The following PLEKHN1 variants were observed in gnomAD, a reference collection of about 807,000 sequenced individuals.
PLEKHN1 encodes pleckstrin homology domain containing N1.
PLEKHN1 carries 68 observed loss-of-function variants against 72.8 expected under a neutral mutation model. The observed-to-expected ratio is 0.93, with a 90% CI of 0.77 to 1.14. PLEKHN1 has a LOEUF of 1.14. Among genes scored for constraint, PLEKHN1 ranks in the 50% most tolerant of loss-of-function variants. The probability of loss-of-function intolerance (pLI) is 0.00; values close to 1 mark genes in which losing one functional copy is unlikely to be tolerated. For missense variants in PLEKHN1, 1,015 were observed against 840.5 expected, an observed-to-expected ratio of 1.21 and a Z score of -2.57; for synonymous variants, 454 against 371.6, an observed-to-expected ratio of 1.22 and a Z score of -2.55.
In PLEKHN1 at chr1:975,860, C is replaced by A; in HGVS notation, c.*1285C>A. The A allele has an allele frequency of 2.8e-6, 1 of 360,366 alleles. No individual in the cohort carries two copies. The allele number at this position is 360,366 out of a possible 1,614,324, so 22.3% of individuals were successfully genotyped here. A position where few individuals can be genotyped will look rare whatever the true frequency, so the allele number is the denominator to read the frequency against. ...ACAACTTCTTAGTAAAATGACCTCC[C>A]CACTATTGCCTGTCTGAAATTAACC... On this transcript the variant is annotated 3_prime_UTR_variant, in exon 16 of 16. Transcript: ENST00000379410.
At chr1:969,700 GTA>G (rs1570023557) in intron 2 of PLEKHN1, among the ~76,000 whole-genome samples, 1 of 152,064 alleles carries the variant, frequency 6.6e-6, no homozygotes, top group Non-Finnish European at 1.5e-5. Context: ...GTATAAGTGC[GTA>G]TGTGTGTTCC....
intron 2 of PLEKHN1, among the ~76,000 whole-genome samples, chr1:968,276 C>T (rs1643113108): frequency 6.6e-6 from 1 of 152,262 alleles, no homozygotes; most frequent in Admixed American, 6.5e-5. Flanking sequence ...GGCCAGGGCA[C>T]AGCAGCTCTG....
chr1:974,302 G>A lies in PLEKHN1; in HGVS notation c.1654-14G>A. 1 of 1,612,956 alleles carries A rather than the reference G, an allele frequency of 6.2e-7. No homozygotes were observed. The highest frequency in any genetic ancestry group is 1.1e-5 in the South Asian group (1 of 91,084). On this transcript the variant is annotated splice_polypyrimidine_tract_variant and intron_variant, in intron 14 of 15. Transcript: ENST00000379410. ...GCTGTGCCCGGCTCTCAGACTTGCG[G>A]TTTGGGGTTCCAGGTCTCCTCTGCC...
rs117621452 is a variant in PLEKHN1 at position 969,684 on chromosome 1, A to C, written c.184-593A>C. ...CATGCATATGTGTGCGTGTGTGTAC[A>C]TGTGTGTATAAGTGCGTATGTGTGT... is the stretch of plus-strand genomic sequence containing the variant. On this transcript the variant is annotated intron_variant, in intron 2 of 15. Transcript: ENST00000379410. Among the ~76,000 whole-genome samples, 137 of 151,572 alleles carry C rather than the reference A, an allele frequency of 9.0e-4. 1 individual carries two copies. In the East Asian group the frequency reaches 0.025, roughly 28 times the overall value.
intron 2 of PLEKHN1, among the ~76,000 whole-genome samples, chr1:969,531 CGT>C (rs766449232): frequency 8.6e-5 from 13 of 151,302 alleles, no homozygotes; most frequent in African/African-American, 1.7e-4. Context: ...TATGTGTGCA[CGT>C]GTGTATGTGC....
Position 970,330 on chromosome 1 carries a change from T to C in PLEKHN1, c.237T>C (p.Ser79=). The C allele has an allele frequency of 6.2e-7, 1 of 1,613,090 alleles. No individual in the cohort carries two copies. Among genetic ancestry groups the C allele is most frequent in the East Asian group, 2.2e-5 (1 of 44,846 alleles). The change falls in exon 3 of 16, where the codon AGT becomes AGC. Residue 79 remains serine, a synonymous_variant. Coordinates refer to ENST00000379410, the MANE Select transcript of PLEKHN1 (RefSeq NM_032129.3). This position sits in a 1 kb window ranked among gnomAD's most constrained non-coding sequence, Gnocchi z 4.2. The stretch of plus-strand genomic sequence containing the variant: ...AAAACCTGGAGCAGCCATTCCTGAG[T>C]GTGTTCAAGAAGGGGCGGCGGAGGG... ...QRENLEQPFL[S]VFKKGRRRVP...
chr1:972,382 G>T lies in PLEKHN1; in HGVS notation c.960G>T (p.Gly320=), dbSNP rs746657875. The T allele has an allele frequency of 6.3e-7, 1 of 1,581,776 alleles. No homozygotes were observed. Among genetic ancestry groups the T allele is most frequent in the Non-Finnish European group, 8.6e-7 (1 of 1,167,228 alleles). Residue 320 remains glycine, a synonymous_variant, in exon 10 of 16, where the codon GGG becomes GGT. Coordinates refer to ENST00000379410, the MANE Select transcript of PLEKHN1 (RefSeq NM_032129.3). ...TTCGCGCTGTCACCCACAGGGAGGGGGCCCCGCCGCTGCCTGGTGCCGAGA... is the reference window on the plus strand; with the variant it reads ...TTCGCGCTGTCACCCACAGGGAGGGTGCCCCGCCGCTGCCTGGTGCCGAGA... ...LCLRAVTHRE[G]APPLPGAESF... is the part of the protein sequence containing the mutation.
intron 12 of PLEKHN1, 82 bp from the exon 13 acceptor site, chr1:973,418 C>T: frequency 6.4e-7 from 1 of 1,573,992 alleles, no homozygotes; most frequent in Admixed American, 1.7e-5. Flanking sequence ...CCTGGAGCCA[C>T]CCAGAGGCCT....
At chr1:971,692 G>A (rs1428800976) in intron 8 of PLEKHN1, among the ~76,000 whole-genome samples, 3 of 152,214 alleles carry the variant, frequency 2.0e-5, no homozygotes, top group African/African-American at 4.8e-5. Flanking sequence ...CCCGTGAGGC[G>A]TGTGTGTGCA....
In PLEKHN1 at chr1:974,613, C is replaced by T. The variant is rs759083999; in HGVS notation, c.*38C>T. Reference sequence around the variant, plus strand: ...GGTGGGTTCTCAGGACCACCCTCGCCAAGCTCCAGGGTACCTGCCCCTCTA... The same window carrying T: ...GGTGGGTTCTCAGGACCACCCTCGCTAAGCTCCAGGGTACCTGCCCCTCTA... On this transcript the variant is annotated 3_prime_UTR_variant, in exon 16 of 16. Transcript: ENST00000379410. 4.4e-5 allele frequency: 69 copies of T among 1,580,912 alleles called. No homozygotes were observed. Among genetic ancestry groups the T allele is most frequent in the Non-Finnish European group, 5.1e-5 (59 of 1,163,144 alleles).
intron 14 of PLEKHN1, 46 bp from the exon 15 acceptor site, chr1:974,270 G>T: frequency 6.2e-7 from 1 of 1,612,742 alleles, no homozygotes; most frequent in Non-Finnish European, 8.5e-7. Flanking sequence ...CAAGCTCCCT[G>T]CCTGGGGCTG....
At chr1:967,037 C>T (rs966543198) in intron 2 of PLEKHN1, among the ~76,000 whole-genome samples, 2 of 152,154 alleles carry the variant, frequency 1.3e-5, no homozygotes, top group Non-Finnish European at 2.9e-5. Context: ...CTGGGCGGGG[C>T]GGGCCGCGGG....
intron 2 of PLEKHN1, among the ~76,000 whole-genome samples, chr1:969,694 A>G (rs149563671): frequency 0.011 from 1,681 of 151,858 alleles, 28 homozygotes; most frequent in African/African-American, 0.036. Context: ...ATGTGTGTAT[A>G]AGTGCGTATG....
At chr1:968,215 C>T (rs1390534680) in intron 2 of PLEKHN1, among the ~76,000 whole-genome samples, 1 of 152,234 alleles carries the variant, frequency 6.6e-6, no homozygotes, top group Non-Finnish European at 1.5e-5. Context: ...CCGGGAAAGC[C>T]ATGCGTCTGT....
chr1:970,624 G>A lies in PLEKHN1; in HGVS notation c.411+23G>A. 1 of 1,609,670 alleles carries A rather than the reference G, an allele frequency of 6.2e-7. No homozygotes were observed. Among genetic ancestry groups the A allele is most frequent in the Non-Finnish European group, 8.5e-7 (1 of 1,177,892 alleles). ...CAGGTGAGGCGGTGGGCAATGGGGT[G>A]GGGCCATGGCCGCCCTTCCCTCCAT... On this transcript the variant is annotated intron_variant, in intron 4 of 15. Transcript: ENST00000379410. The surrounding 1 kb of genome is among the most constrained non-coding windows in gnomAD (Gnocchi z 4.2).
rs1211878702 is a variant in PLEKHN1 at position 971,327 on chromosome 1, C to T, written c.712C>T (p.Gln238Ter). 4 of 1,573,444 alleles carry T rather than the reference C, an allele frequency of 2.5e-6. No homozygotes were observed. The highest frequency in any genetic ancestry group is 3.5e-6 in the Non-Finnish European group (4 of 1,158,872). The stretch of plus-strand genomic sequence containing the variant: ...GACCCCACCCCCACCCACCCAGGAG[C>T]AGTGGGACCGGCTCTTGGTCCTGTA... Reference protein sequence around the residue: ...VKLQHLPAQEQWDRLLVLYPT... With the variant: ...VKLQHLPAQE Residue 238 changes from glutamine to a stop codon, truncating the protein, a stop_gained, in exon 8 of 16, where the codon CAG becomes TAG. Coordinates refer to ENST00000379410, the MANE Select transcript of PLEKHN1 (RefSeq NM_032129.3). LOFTEE classifies it high-confidence loss of function.
At chr1:974,191 A>C in intron 14 of PLEKHN1, 125 bp from the exon 15 acceptor site, 2 of 1,504,228 alleles carry the variant, frequency 1.3e-6, no homozygotes, top group Non-Finnish European at 1.8e-6. Context: ...GCCAGTAGGG[A>C]GTTGGGGAGA....
rs752847857 is a variant in PLEKHN1, at chr1:974,000, C to G, written c.1602C>G (p.His534Gln). 1.2e-6 allele frequency: 2 copies of G among 1,605,464 alleles called. No individual in the cohort carries two copies. The highest frequency in any genetic ancestry group is 2.2e-5 in the South Asian group (2 of 90,474). ...TGCAGTCCAGAGCCGCTCAGAGACA[C>G]CGGGGCTCAGCCAAGGATGGGGGGC... ...GALQSRAAQR[H>Q]RGSAKDGGPQ... Residue 534 changes from histidine (H) to glutamine (Q), a missense_variant, in exon 14 of 16, where the codon CAC becomes CAG. By Grantham distance (24) the His-to-Gln change is conservative. Coordinates refer to ENST00000379410, the MANE Select transcript of PLEKHN1 (RefSeq NM_032129.3).
chr1:971,156 G>A lies in PLEKHN1; in HGVS notation c.656G>A (p.Gly219Asp). Residue 219 changes from glycine to aspartate, a missense_variant, in exon 7 of 16, where the codon GGC becomes GAC. Coordinates refer to ENST00000379410, the MANE Select transcript of PLEKHN1 (RefSeq NM_032129.3). ...RLRTASGHEP[G>D]GSAVCASRVK... ...CGGACGGCGTCAGGGCACGAACCCGGCGGCAGTGCTGTCTGTGCCTCGAGG... is the reference window on the plus strand; with the variant it reads ...CGGACGGCGTCAGGGCACGAACCCGACGGCAGTGCTGTCTGTGCCTCGAGG... The A allele has an allele frequency of 6.2e-7, 1 of 1,600,028 alleles. No individual in the cohort carries two copies. Among genetic ancestry groups the A allele is most frequent in the Non-Finnish European group, 8.5e-7 (1 of 1,174,318 alleles).
Sources: allele counts gnomAD v4.1 joint callset (sites outside exome capture counted in the v4.1 genomes callset), GRCh38; gene constraint gnomAD v4.1.1; non-coding constraint Gnocchi (gnomAD v3.1); transcripts MANE v1.5; gene names NCBI Gene and HGNC (gene_info 2026-07-23, HGNC 2026-07-21).